The following NSD1 variants were observed in gnomAD, a reference collection of about 807,000 sequenced individuals.
The protein encoded by NSD1 is nuclear receptor binding SET domain protein 1, also known as histone-lysine N-methyltransferase, H3 lysine-36 specific.
A neutral mutation model predicts 242.7 loss-of-function variants in NSD1; 26 were observed. That is an observed-to-expected ratio of 0.11 (90% confidence interval 0.08 to 0.15). NSD1 has a LOEUF of 0.15. Among genes scored for constraint, NSD1 ranks in the 10% least tolerant of loss-of-function variants. The pLI is 1.00. For missense variants in NSD1, 2,495 were observed against 3,272.8 expected, an observed-to-expected ratio of 0.76 and a Z score of 5.80; for synonymous variants, 1,106 against 1,178.1, an observed-to-expected ratio of 0.94 and a Z score of 1.25.
intron 2 of NSD1, among the ~76,000 whole-genome samples, chr5:177,158,319 CTTTT>C (rs1758368192): frequency 1.5e-5 from 2 of 130,158 alleles, no homozygotes; most frequent in South Asian, 4.9e-4. Context: ...TCTTTTCTTT[CTTTT>C]CTTTCTTTTC....
intron 2 of NSD1, among the ~76,000 whole-genome samples, chr5:177,185,619 A>G (rs958551436): frequency 7.3e-6 from 1 of 136,634 alleles, no homozygotes; most frequent in African/African-American, 2.8e-5. Context: ...CCAAATATAT[A>G]TTTGCTTTTT....
intron 14 of NSD1, chr5:177,265,469 C>T (rs568982415): frequency 4.8e-6 from 3 of 625,380 alleles, no homozygotes; most frequent in Admixed American, 5.8e-5. Context: ...GCCCCTAAAA[C>T]CTCCTCTGGG....
chr5:177,184,663 A>G (rs1380745330), intron 2 of NSD1, among the ~76,000 whole-genome samples: 3 of 151,932 alleles, frequency 2.0e-5, no homozygotes, highest in African/African-American at 7.3e-5. Context: ...CAAGTTGCTG[A>G]AACTACAGGT....
intron 2 of NSD1, among the ~76,000 whole-genome samples, chr5:177,146,362 C>T (rs1407123758): frequency 1.3e-5 from 2 of 151,646 alleles, no homozygotes; most frequent in African/African-American, 4.8e-5. Context: ...TGTGCTATGA[C>T]GCCCAGCTAG....
intron 2 of NSD1, among the ~76,000 whole-genome samples, chr5:177,149,056 T>G (rs1757486657): frequency 6.6e-6 from 1 of 152,052 alleles, no homozygotes; most frequent in Non-Finnish European, 1.5e-5. Flanking sequence ...TGACCTCAGG[T>G]AATCCACCCA....
rs1437774200 is a variant in NSD1, at chr5:177,211,054, A to G, written c.2655A>G (p.Ser885=). 3 of 1,614,244 alleles carry G rather than the reference A, an allele frequency of 1.9e-6. No individual in the cohort carries two copies. The South Asian group carries it at 3.3e-5, about 18-fold the overall frequency. Reference sequence around the variant, plus strand: ...GTGACTCTGGAACATCAAAGCCATCAAAACCATTACTTTTCTCTTCTGCTT... The same window carrying G: ...GTGACTCTGGAACATCAAAGCCATCGAAACCATTACTTTTCTCTTCTGCTT... ...DVSDSGTSKP[S]KPLLFSSASS... The change falls in exon 5 of 23, where the codon TCA becomes TCG. Residue 885 remains serine (S), a synonymous_variant. Coordinates refer to ENST00000439151, the MANE Select transcript of NSD1 (RefSeq NM_022455.5).
intron 5 of NSD1, among the ~76,000 whole-genome samples, chr5:177,218,046 G>A (rs1763925209): frequency 2.0e-5 from 3 of 152,004 alleles, no homozygotes; most frequent in Non-Finnish European, 4.4e-5. Flanking sequence ...CCAAGTAGCT[G>A]TGACTACAGC....
intron 5 of NSD1, among the ~76,000 whole-genome samples, chr5:177,220,085 T>C (rs975059529): frequency 1.2e-4 from 18 of 152,226 alleles, no homozygotes; most frequent in South Asian, 2.1e-4. Context: ...ATTGTTCAAG[T>C]CCTCTGTTTC....
intron 3 of NSD1, among the ~76,000 whole-genome samples, chr5:177,197,451 TCTCTAC>T (rs1762188754): frequency 6.6e-6 from 1 of 152,106 alleles, no homozygotes; most frequent in African/African-American, 2.4e-5. Context: ...TGAAACCCTG[TCTCTAC>T]TAAAAATACA....
intron 22 of NSD1, among the ~76,000 whole-genome samples, chr5:177,293,252 T>A (rs193169390): frequency 2.4e-4 from 37 of 152,284 alleles, no homozygotes; most frequent in Middle Eastern, 3.4e-3. Flanking sequence ...GGTAAAAGCT[T>A]AGGTCAGCTT....
upstream of NSD1, among the ~76,000 whole-genome samples, chr5:177,132,539 G>C (rs903587713): frequency 1.3e-5 from 2 of 151,888 alleles, no homozygotes; most frequent in African/African-American, 2.4e-5. The surrounding 1 kb of genome is among the most constrained non-coding windows in gnomAD (Gnocchi z 7.5). Flanking sequence ...CCTGGGCTCG[G>C]GGGTGGTGAG....
rs1287157254 is a variant in NSD1, at chr5:177,190,738, C to T, written c.928-1146C>T. On this transcript the variant is annotated intron_variant, in intron 2 of 22. Transcript: ENST00000439151. ...AGGCTGGAGTGCAGTGGCGCCATCTCGGCTCACTGCAAGCTCCGCCTCCTG... is the reference window on the plus strand; with the variant it reads ...AGGCTGGAGTGCAGTGGCGCCATCTTGGCTCACTGCAAGCTCCGCCTCCTG... Among the ~76,000 whole-genome samples the T allele has an allele frequency of 6.0e-5, 9 of 149,918 alleles. No homozygotes were observed. The South Asian group carries it at 8.5e-4, about 14-fold the overall frequency.
intron 2 of NSD1, among the ~76,000 whole-genome samples, chr5:177,159,527 G>A (rs574673567): frequency 2.0e-5 from 3 of 151,386 alleles, no homozygotes; most frequent in South Asian, 4.2e-4. Context: ...CAGGTGAACC[G>A]CCCACCTAAG....
chr5:177,234,017 T>C (rs1765259069), intron 5 of NSD1, among the ~76,000 whole-genome samples: 1 of 152,184 alleles, frequency 6.6e-6, no homozygotes, highest in Admixed American at 6.5e-5. Context: ...TGGAACACAG[T>C]GACTAAAGGT....
chr5:177,185,935 AATAT>A (rs1246002262), intron 2 of NSD1, among the ~76,000 whole-genome samples: 10 of 90,570 alleles, frequency 1.1e-4, no homozygotes, highest in Non-Finnish European at 9.7e-5. Context: ...TATATAAATA[AATAT>A]ATATAATATA....
chr5:177,185,811 TTATA>T (rs1182889606), intron 2 of NSD1, among the ~76,000 whole-genome samples: 4 of 74,050 alleles, frequency 5.4e-5, no homozygotes, highest in Non-Finnish European at 9.0e-5. Flanking sequence ...ATATATAAAT[TTATA>T]TATATAATAT....
chr5:177,254,491 C>T lies in NSD1; in HGVS notation c.4766-2460C>T, dbSNP rs762434388. ...CTCAGCTAACTGCAACCTCCACCTC[C>T]TGGGTTCAAGCGATTCTTGTGCCTC... On this transcript the variant is annotated intron_variant, in intron 12 of 22. Transcript: ENST00000439151. Among the ~76,000 whole-genome samples, 19 of 152,126 alleles carry T rather than the reference C, an allele frequency of 1.2e-4. 1 individual carries two copies. The highest frequency in any genetic ancestry group is 7.2e-4 in the Admixed American group (11 of 15,274).
At chr5:177,160,468 T>C (rs1360889337) in intron 2 of NSD1, among the ~76,000 whole-genome samples, 1 of 150,676 alleles carries the variant, frequency 6.6e-6, no homozygotes, top group African/African-American at 2.4e-5. Flanking sequence ...GCCCGGCTGA[T>C]TTTTTTGTAT....
rs1456928971 is a variant in NSD1 at position 177,135,136 on chromosome 5, TTGTC to T, written c.36_39del (p.Leu13CysfsTer7). The T allele has an allele frequency of 1.2e-6, 2 of 1,614,030 alleles. No homozygotes were observed. Among genetic ancestry groups the T allele is most frequent in the Non-Finnish European group, 1.7e-6 (2 of 1,180,036 alleles). On this transcript the variant is annotated frameshift_variant, in exon 2 of 23. Coordinates refer to ENST00000439151, the MANE Select transcript of NSD1 (RefSeq NM_022455.5). LOFTEE classifies it high-confidence loss of function. ...AGACCTGTGAACTACCCAGAAGAAA[TTGTC>T]TGCTGCCCTTTTCCAATCCAGTGAA...
Sources: allele counts gnomAD v4.1 joint callset (sites outside exome capture counted in the v4.1 genomes callset), GRCh38; gene constraint gnomAD v4.1.1; non-coding constraint Gnocchi (gnomAD v3.1); transcripts MANE v1.5; gene names NCBI Gene and HGNC (gene_info 2026-07-23, HGNC 2026-07-21).